ZNF778: variants seen among roughly 807,000 people sequenced by gnomAD.
ZNF778 encodes zinc finger protein 778.
A neutral mutation model predicts 23.9 loss-of-function variants in ZNF778; 37 were observed. The observed-to-expected ratio is 1.54, with a 90% confidence interval of 1.19 to 2.03. The LOEUF is 2.03. Among genes scored for constraint, ZNF778 ranks in the 30% most tolerant of loss-of-function variants. ZNF778 has a pLI of 0.00. For synonymous variants in ZNF778, 483 were observed against 343.9 expected (o/e 1.40, Z -4.48); for missense variants, 1,297 against 934.4 (o/e 1.39, Z -5.06).
chr16:89,219,192 C>T (rs2030672964), intron 1 of ZNF778, among the ~76,000 whole-genome samples: 1 of 152,190 alleles, frequency 6.6e-6, no homozygotes, highest in Admixed American at 6.5e-5. Flanking sequence ...ATTTTTCCAA[C>T]ATTGCGCTGT....
rs2032240074 is a variant in ZNF778, at chr16:89,236,444, C to T, written c.*7882C>T. The T allele has an allele frequency of 6.6e-6, 1 of 152,080 alleles. No homozygotes were observed. 9.4% of individuals were successfully genotyped at this position (152,080 alleles called of 1,614,324 possible). A position where few individuals can be genotyped will look rare whatever the true frequency, so the allele number is the denominator to read the frequency against. ...GAATGAAACAGAAGTAACGATGAGG[C>T]AATACAAAGAATTGCCTGCAGACCT... On this transcript the variant is annotated 3_prime_UTR_variant, in exon 7 of 7. Transcript: ENST00000433976.
Position 89,228,422 on chromosome 16 carries a change from A to C in ZNF778, c.2134A>C (p.Arg712=). The C allele has an allele frequency of 6.2e-7, 1 of 1,614,002 alleles. No individual in the cohort carries two copies. The highest frequency in any genetic ancestry group is 8.5e-7 in the Non-Finnish European group (1 of 1,179,882). ...TAAGGAATGTGGGAAAGCATACAAT[A>C]GGTTTTATCTACTAAAAGAACATTT... ...KCKECGKAYN[R]FYLLKEHLKT... is the part of the protein sequence containing the mutation. The change falls in exon 7 of 7, where the codon AGG becomes CGG. Residue 712 remains arginine, a synonymous_variant. Transcript: ENST00000433976.
chr16:89,228,130 G>C lies in ZNF778; in HGVS notation c.1842G>C (p.Glu614Asp). The change falls in exon 7 of 7, where the codon GAG becomes GAC. Residue 614 changes from glutamate to aspartate, a missense_variant. Transcript: ENST00000433976. ...AGCACATACGAACTCACACTGGAGAGAAACCTTATGAATGTAAAGTATGCG... is the reference window on the plus strand; with the variant it reads ...AGCACATACGAACTCACACTGGAGACAAACCTTATGAATGTAAAGTATGCG... Reference protein sequence around the residue: ...LTEHIRTHTGEKPYECKVCGK... With the variant: ...LTEHIRTHTGDKPYECKVCGK... 6.2e-7 allele frequency: 1 copy of C among 1,613,080 alleles called. No homozygotes were observed.
chr16:89,219,663 A>T (rs1392901343), intron 1 of ZNF778, among the ~76,000 whole-genome samples: 1 of 152,252 alleles, frequency 6.6e-6, no homozygotes, highest in African/African-American at 2.4e-5. Context: ...TTTACCATGG[A>T]CGCTGTGTCA....
At position 89,231,727 on chromosome 16, in the gene ZNF778, A is replaced by G. The variant is rs1484437590; in HGVS notation, c.*3165A>G. On this transcript the variant is annotated 3_prime_UTR_variant, in exon 7 of 7. Transcript: ENST00000433976. ...AGTGTCTGTGAAGTCTCAATAATTGATACCAAAATGTTTTGTTTCACCAGG... is the reference window on the plus strand; with the variant it reads ...AGTGTCTGTGAAGTCTCAATAATTGGTACCAAAATGTTTTGTTTCACCAGG... The G allele has an allele frequency of 6.6e-6, 1 of 152,130 alleles. No homozygotes were observed. Among genetic ancestry groups the G allele is most frequent in the East Asian group, 1.9e-4 (1 of 5,192 alleles). 9.4% of individuals were successfully genotyped at this position (152,130 alleles called of 1,614,324 possible).
chr16:89,228,367 A>G lies in ZNF778; in HGVS notation c.2079A>G (p.Arg693=). 1 of 1,613,758 alleles carries G rather than the reference A, an allele frequency of 6.2e-7. No individual in the cohort carries two copies. The highest frequency in any genetic ancestry group is 8.5e-7 in the Non-Finnish European group (1 of 1,179,760). Residue 693 remains arginine (R), a synonymous_variant, in exon 7 of 7, where the codon AGA becomes AGG. Transcript: ENST00000433976. ...CCTCTCACCTGCATAAACATGGAAG[A>G]ATTCACACTGGGCAGAAACCCTATA... ...RASSHLHKHG[R]IHTGQKPYKC...
chr16:89,233,983 C>T lies in ZNF778; in HGVS notation c.*5421C>T, dbSNP rs1422227941. ...ATGCAGACTAGCCAGCCCCAGACTT[C>T]ATCCTGCCCTGTCCTGCCTTTCCTG... On this transcript the variant is annotated 3_prime_UTR_variant, in exon 7 of 7. Transcript: ENST00000433976. 1.6e-6 allele frequency: 2 copies of T among 1,234,916 alleles called. No individual in the cohort carries two copies. Among genetic ancestry groups the T allele is most frequent in the Admixed American group, 2.3e-5 (1 of 43,490 alleles). 76.5% of individuals were successfully genotyped at this position (1,234,916 alleles called of 1,614,324 possible). A position where few individuals can be genotyped will look rare whatever the true frequency, so the allele number is the denominator to read the frequency against.
In ZNF778 at chr16:89,230,161, C is replaced by T; in HGVS notation, c.*1599C>T. 1.7e-6 allele frequency: 1 copy of T among 575,222 alleles called. No individual in the cohort carries two copies. Among genetic ancestry groups the T allele is most frequent in the Non-Finnish European group, 2.2e-6 (1 of 456,148 alleles). The allele number at this position is 575,222 out of a possible 1,614,324, so 35.6% of individuals were successfully genotyped here. Reference sequence around the variant, plus strand: ...CACAGCTCTACATTTTATGAAAATGCCCTTGTTCCTCTCCCATACCTGATC... The same window carrying T: ...CACAGCTCTACATTTTATGAAAATGTCCTTGTTCCTCTCCCATACCTGATC... On this transcript the variant is annotated 3_prime_UTR_variant, in exon 7 of 7. Transcript: ENST00000433976.
Position 89,235,039 on chromosome 16 carries a change from AGT to A in ZNF778, c.*6478_*6479del, listed in dbSNP as rs1329452258. The A allele has an allele frequency of 3.3e-5, 5 of 152,072 alleles. No individual in the cohort carries two copies. Among genetic ancestry groups the A allele is most frequent in the Non-Finnish European group, 7.4e-5 (5 of 68,020 alleles). 9.4% of individuals were successfully genotyped at this position (152,072 alleles called of 1,614,324 possible). On this transcript the variant is annotated 3_prime_UTR_variant, in exon 7 of 7. Coordinates refer to ENST00000433976, the MANE Select transcript of ZNF778 (RefSeq NM_001201407.2). Reference sequence around the variant, plus strand: ...TATGCTGTACTATTTTGGCTTCCACAGTTTCTATGTTTTATCCCAAGTTGCTT... The same window carrying A: ...TATGCTGTACTATTTTGGCTTCCACATTCTATGTTTTATCCCAAGTTGCTT...
rs374237622 is a variant in ZNF778 at position 89,223,297 on chromosome 16, C to T, written c.244+14C>T. On this transcript the variant is annotated intron_variant, in intron 4 of 6. Coordinates refer to ENST00000433976, the MANE Select transcript of ZNF778 (RefSeq NM_001201407.2). Reference sequence around the variant, plus strand: ...TGGCCTCAGTAGGTGAGGCTGCCACCGTCCTTTGCAACTTCTGTGGAACCA... The same window carrying T: ...TGGCCTCAGTAGGTGAGGCTGCCACTGTCCTTTGCAACTTCTGTGGAACCA... The T allele has an allele frequency of 5.6e-6, 9 of 1,613,254 alleles. No homozygotes were observed. Among genetic ancestry groups the T allele is most frequent in the South Asian group, 3.3e-5 (3 of 90,994 alleles).
intron 2 of ZNF778, 91 bp from the exon 3 acceptor site, chr16:89,222,001 C>A: frequency 1.2e-6 from 1 of 845,708 alleles, no homozygotes; most frequent in African/African-American, 1.7e-5. Context: ...GTGATAATTT[C>A]CTGCTAGGAT....
Position 89,227,327 on chromosome 16 carries a change from A to G in ZNF778, c.1039A>G (p.Thr347Ala). 1 of 1,614,032 alleles carries G rather than the reference A, an allele frequency of 6.2e-7. No homozygotes were observed. Among genetic ancestry groups the G allele is most frequent in the Non-Finnish European group, 8.5e-7 (1 of 1,179,888 alleles). Reference sequence around the variant, plus strand: ...ATGTAAAGAATGCGGAAAAGCCTTCACTGGACTCTCAGGTCTTTCTAAACA... The same window carrying G: ...ATGTAAAGAATGCGGAAAAGCCTTCGCTGGACTCTCAGGTCTTTCTAAACA... ...CECKECGKAF[T>A]GLSGLSKHVQ... is the part of the protein sequence containing the mutation. The change falls in exon 7 of 7, where the codon ACT becomes GCT. Residue 347 changes from threonine (T) to alanine (A), a missense_variant. Transcript: ENST00000433976.
chr16:89,220,537 A>G (rs141509427), intron 1 of ZNF778, among the ~76,000 whole-genome samples: 5,743 of 152,308 alleles, frequency 0.038, 205 homozygotes, highest in East Asian at 0.16. Context: ...ACTCGCCTGT[A>G]GTCTCAGCTA....
chr16:89,222,967 G>GGAGAGCGAC (rs2031111318), intron 3 of ZNF778, among the ~76,000 whole-genome samples, 190 bp from the exon 4 acceptor site: 3 of 10,924 alleles, frequency 2.7e-4, no homozygotes, highest in Middle Eastern at 0.083. Context: ...GAGAGCGACA[G>GGAGAGCGAC]GGTGCGCGTG....
At chr16:89,223,424 G>C (rs898836273) in intron 4 of ZNF778, 141 bp downstream of exon 4, 8 of 1,203,304 alleles carry the variant, frequency 6.6e-6, no homozygotes, top group African/African-American at 1.5e-5. Context: ...CTTGGTGCTA[G>C]TGTGGTCGTT....
In ZNF778 at chr16:89,220,529, T is replaced by A. The variant is rs8058834; in HGVS notation, c.-131-468T>A. On this transcript the variant is annotated intron_variant, in intron 1 of 6. Coordinates refer to ENST00000433976, the MANE Select transcript of ZNF778 (RefSeq NM_001201407.2). ...AAAAATTAGCTGGGTGTGGTGGCAC[T>A]CGCCTGTAGTCTCAGCTACTTGGTA... 5.3e-5 allele frequency among the ~76,000 whole-genome samples: 8 copies of A among 152,306 alleles called. No individual in the cohort carries two copies. In the South Asian group the frequency reaches 1.0e-3, roughly 20 times the overall value.
rs187252856 is a variant in ZNF778 at position 89,235,555 on chromosome 16, G to C, written c.*6993G>C. 6.6e-6 allele frequency: 1 copy of C among 152,280 alleles called. No individual in the cohort carries two copies. The highest frequency in any genetic ancestry group is 2.4e-5 in the African/African-American group (1 of 41,554). 9.4% of individuals were successfully genotyped at this position (152,280 alleles called of 1,614,324 possible). ...GAACTTGCCTCCTGAACCTGACTAG[G>C]TTACTCGCCTGATGAACCAGTATCT... is the stretch of plus-strand genomic sequence containing the variant. On this transcript the variant is annotated 3_prime_UTR_variant, in exon 7 of 7. Coordinates refer to ENST00000433976, the MANE Select transcript of ZNF778 (RefSeq NM_001201407.2).
chr16:89,219,471 A>G (rs539539386), intron 1 of ZNF778, among the ~76,000 whole-genome samples: 1 of 152,342 alleles, frequency 6.6e-6, no homozygotes, highest in East Asian at 1.9e-4. Context: ...TAGTCACCTC[A>G]TGTCCCATGT....
In ZNF778 at chr16:89,229,450, C is replaced by G. The variant is rs1056181568; in HGVS notation, c.*888C>G. 9.2e-6 allele frequency: 9 copies of G among 975,788 alleles called. No homozygotes were observed. In the African/African-American group the frequency reaches 1.7e-4, roughly 18 times the overall value. 60.4% of individuals were successfully genotyped at this position (975,788 alleles called of 1,614,324 possible). ...CTCTGGTTGGTTAGTCTTGAGGATGCAGATGTGATTCTGTGTGAGCAGCGT... is the reference window on the plus strand; with the variant it reads ...CTCTGGTTGGTTAGTCTTGAGGATGGAGATGTGATTCTGTGTGAGCAGCGT... On this transcript the variant is annotated 3_prime_UTR_variant, in exon 7 of 7. Transcript: ENST00000433976.
Sources: allele counts gnomAD v4.1 joint callset (sites outside exome capture counted in the v4.1 genomes callset), GRCh38; gene constraint gnomAD v4.1.1; transcripts MANE v1.5; gene names NCBI Gene and HGNC (gene_info 2026-07-23, HGNC 2026-07-21).